RAB3IL1: variants seen among roughly 807,000 people sequenced by gnomAD.
RAB3IL1 encodes the protein guanine nucleotide exchange factor for Rab-3A.
In RAB3IL1, 37 loss-of-function variants were observed where a neutral mutation model predicts 49.2. The ratio of observed to expected loss-of-function variants is 0.75; its 90% CI spans 0.58 to 0.99. The LOEUF is 0.99. RAB3IL1 is among the 50% of genes least tolerant of loss of function. The probability of loss-of-function intolerance (pLI) is 0.00; values close to 1 mark genes in which losing one functional copy is unlikely to be tolerated. For missense variants in RAB3IL1, 484 were observed against 513.0 expected (o/e 0.94, Z 0.55); for synonymous variants, 193 against 213.9 (o/e 0.90, Z 0.85).
chr11:61,921,450 C>A (rs78243280), upstream of RAB3IL1, among the ~76,000 whole-genome samples: 1 of 152,164 alleles, frequency 6.6e-6, no homozygotes, highest in Admixed American at 6.5e-5. Context: ...TACTATCCCC[C>A]CTGACTGCTA....
At chr11:61,918,111 C>A (rs1939790096), upstream of RAB3IL1, among the ~76,000 whole-genome samples, 1 of 152,180 alleles carries the variant, frequency 6.6e-6, no homozygotes, top group Non-Finnish European at 1.5e-5. Flanking sequence ...CCTTTACTCA[C>A]CATCTGCCCT....
chr11:61,925,750 A>G, the RAB3IL1 span, among the ~76,000 whole-genome samples: 1 of 152,188 alleles, frequency 6.6e-6, no homozygotes, highest in Non-Finnish European at 1.5e-5. Context: ...CAAACCCTTC[A>G]CTTTGCCAGG....
intron 1 of RAB3IL1, 95 bp downstream of exon 1, chr11:61,917,241 CGCACAGCACCTCCGGGTGGCG>C: frequency 7.8e-7 from 1 of 1,285,396 alleles, no homozygotes; most frequent in Non-Finnish European, 9.9e-7. Flanking sequence ...AGGGCGGGGG[CGCACAGCACCTCCGGGTGGCG>C]GCGCAGACCC....
upstream of RAB3IL1, chr11:61,920,328 C>T (rs1204691612): frequency 1.7e-6 from 2 of 1,151,730 alleles, no homozygotes; most frequent in South Asian, 4.5e-5. Context: ...GAGGGAGGCA[C>T]CACCTCCCAG....
At chr11:61,912,721 A>C (rs959088576) in intron 1 of RAB3IL1, among the ~76,000 whole-genome samples, 3 of 152,094 alleles carry the variant, frequency 2.0e-5, no homozygotes, top group African/African-American at 7.2e-5. Context: ...AAAGGGGATG[A>C]ATGGCGGTTT....
At chr11:61,922,757 C>G (rs1253746834), upstream of RAB3IL1, among the ~76,000 whole-genome samples, 3 of 152,096 alleles carry the variant, frequency 2.0e-5, no homozygotes, top group Non-Finnish European at 4.4e-5. Context: ...CTTTGGGCTG[C>G]GAAGCTCTCT....
At position 61,898,041 on chromosome 11, in the gene RAB3IL1, C is replaced by T. The variant is rs1371677660; in HGVS notation, c.*237G>A. On this transcript the variant is annotated 3_prime_UTR_variant, in exon 10 of 10. Transcript: ENST00000394836. The surrounding 1 kb of genome is among the most constrained non-coding windows in gnomAD (Gnocchi z 5.1). ...GTCTTTGGTGCTTTCTTGAAATCCT[C>T]CTGGTGGTGGCAGAACCCAGTGGGG... The T allele has an allele frequency of 2.0e-6, 1 of 508,792 alleles. No homozygotes were observed. Among genetic ancestry groups the T allele is most frequent in the African/African-American group, 2.0e-5 (1 of 50,666 alleles). The allele number at this position is 508,792 out of a possible 1,614,324, so 31.5% of individuals were successfully genotyped here.
At chr11:61,904,069 C>T (rs559546158) in intron 7 of RAB3IL1, among the ~76,000 whole-genome samples, 14 of 151,876 alleles carry the variant, frequency 9.2e-5, no homozygotes, top group African/African-American at 3.4e-4. Flanking sequence ...CAAAACCTGG[C>T]TCAAATGCTC....
At chr11:61,940,661 G>A in the RAB3IL1 span, among the ~76,000 whole-genome samples, 2 of 151,796 alleles carry the variant, frequency 1.3e-5, no homozygotes, top group Non-Finnish European at 2.9e-5. Flanking sequence ...GGTGGCTCAC[G>A]CCTGTAATCC....
At chr11:61,946,002 T>C in the RAB3IL1 span, among the ~76,000 whole-genome samples, 1 of 152,296 alleles carries the variant, frequency 6.6e-6, no homozygotes, top group East Asian at 1.9e-4. Flanking sequence ...ATGTTGAGTT[T>C]ACTCCGTCCT....
At chr11:61,944,277 T>G in the RAB3IL1 span, among the ~76,000 whole-genome samples, 1 of 151,578 alleles carries the variant, frequency 6.6e-6, no homozygotes. Flanking sequence ...CTTCCCTCCT[T>G]TGTTGAGACA....
chr11:61,907,254 CT>C (rs921480070), intron 4 of RAB3IL1, 138 bp downstream of exon 4: 1 of 853,826 alleles, frequency 1.2e-6, no homozygotes, highest in African/African-American at 1.7e-5. Flanking sequence ...CCTTCCCTCC[CT>C]GGGCCTAGGT....
At chr11:61,943,328 AAAATTAACTCAAAATAGGTC>A in the RAB3IL1 span, among the ~76,000 whole-genome samples, 1 of 152,242 alleles carries the variant, frequency 6.6e-6, no homozygotes, top group South Asian at 2.1e-4. Context: ...ATGATACATA[AAAATTAACTCAAAATAGGTC>A]AAATTCCTAA....
chr11:61,934,442 G>GTGTGTA, the RAB3IL1 span, among the ~76,000 whole-genome samples: 11 of 18,690 alleles, frequency 5.9e-4, no homozygotes, highest in African/African-American at 1.3e-3. Flanking sequence ...GTGTGTGTGT[G>GTGTGTA]TGTGTATGTA....
At chr11:61,905,506 GGAGCAGGGA>G (rs900158571) in intron 5 of RAB3IL1, among the ~76,000 whole-genome samples, 117 of 152,322 alleles carry the variant, frequency 7.7e-4, no homozygotes, top group Middle Eastern at 3.4e-3. Context: ...ACCACGCAGA[GGAGCAGGGA>G]GAGCAGCGGG....
At chr11:61,939,005 A>G in the RAB3IL1 span, among the ~76,000 whole-genome samples, 369 of 152,102 alleles carry the variant, frequency 2.4e-3, 2 homozygotes, top group Non-Finnish European at 3.2e-3. Context: ...ACTTTCAATA[A>G]TGGCTAGAAC....
chr11:61,922,837 G>A (rs982511368), upstream of RAB3IL1, among the ~76,000 whole-genome samples: 1 of 152,144 alleles, frequency 6.6e-6, no homozygotes, highest in Non-Finnish European at 1.5e-5. Context: ...GCTCCCACCC[G>A]CTTCCTGTTT....
At chr11:61,905,711 A>G (rs535705830) in intron 5 of RAB3IL1, among the ~76,000 whole-genome samples, 1 of 152,280 alleles carries the variant, frequency 6.6e-6, no homozygotes, top group East Asian at 1.9e-4. Flanking sequence ...GCCAGGATGG[A>G]GTCGAGTGGG....
Position 61,908,220 on chromosome 11 carries a change from C to T in RAB3IL1, c.98G>A (p.Arg33Lys), listed in dbSNP as rs770048552. 1.3e-6 allele frequency: 2 copies of T among 1,540,210 alleles called. No individual in the cohort carries two copies. The highest frequency in any genetic ancestry group is 2.4e-5 in the South Asian group (2 of 84,452). Residue 33 changes from arginine (R) to lysine (K), a missense_variant, in exon 2 of 10, where the codon AGG becomes AAG. By Grantham distance (26) the Arg-to-Lys change is conservative. Coordinates refer to ENST00000394836, the MANE Select transcript of RAB3IL1 (RefSeq NM_013401.4). ...CTCCACCAGGGCTCCTGGGGACTCC[C>T]TGTGGCCTTGGCAGGGGTCCGTGCT... Reference protein sequence around the residue: ...WKSTDPCQGHRESPGALVETS... With the variant: ...WKSTDPCQGHKESPGALVETS...
Sources: gnomAD v4.1 joint callset for allele counts (sites outside exome capture counted in the v4.1 genomes callset) on GRCh38, gnomAD v4.1.1 for gene constraint, Gnocchi (gnomAD v3.1) non-coding constraint, MANE v1.5 for transcripts, NCBI Gene and HGNC (gene_info 2026-07-23, HGNC 2026-07-21) for gene names.